PAK2: variants seen among roughly 807,000 people sequenced by gnomAD.
PAK2 encodes the protein serine/threonine-protein kinase PAK 2.
In PAK2, 21 loss-of-function variants were observed where a neutral mutation model predicts 65.9. The observed-to-expected ratio is 0.32, with a 90% CI of 0.23 to 0.46. The LOEUF is 0.46. PAK2 is among the 20% of genes least tolerant of loss of function. PAK2 has a pLI of 1.00. For synonymous variants in PAK2, 204 were observed against 219.7 expected, an observed-to-expected ratio of 0.93 and a Z score of 0.63; for missense variants, 324 against 642.6, an observed-to-expected ratio of 0.50 and a Z score of 5.36.
chr3:196,811,846 A>C (rs72611192), intron 8 of PAK2, among the ~76,000 whole-genome samples: 24,720 of 152,064 alleles, frequency 0.16, 2,854 homozygotes, highest in East Asian at 0.56. Context: ...ATAAACACCA[A>C]ATACAGATCA....
intron 4 of PAK2, among the ~76,000 whole-genome samples, chr3:196,804,517 G>C (rs1194242913): frequency 6.6e-6 from 1 of 152,096 alleles, no homozygotes; most frequent in East Asian, 1.9e-4. Flanking sequence ...GCCCAGGCTG[G>C]AGTGCAGTGG....
chr3:196,768,496 G>GTATT (rs1176348306), intron 1 of PAK2, among the ~76,000 whole-genome samples: 1 of 150,732 alleles, frequency 6.6e-6, no homozygotes. Flanking sequence ...ATTTATATAT[G>GTATT]TATGTATGTA....
intron 1 of PAK2, among the ~76,000 whole-genome samples, chr3:196,781,579 C>T (rs952503785): frequency 2.0e-5 from 3 of 152,204 alleles, no homozygotes; most frequent in African/African-American, 7.2e-5. Context: ...TCGTCAAGCT[C>T]CTTTGTGATT....
intron 1 of PAK2, among the ~76,000 whole-genome samples, chr3:196,742,877 G>A (rs1374814508): frequency 2.0e-5 from 3 of 152,150 alleles, no homozygotes; most frequent in Non-Finnish European, 1.5e-5. Context: ...TCGAGATCGC[G>A]CCACTGCACT....
At chr3:196,766,660 T>C (rs1175264237) in intron 1 of PAK2, among the ~76,000 whole-genome samples, 1 of 152,138 alleles carries the variant, frequency 6.6e-6, no homozygotes, top group Non-Finnish European at 1.5e-5. Flanking sequence ...AAAATATATA[T>C]TCAGAGAAAT....
At chr3:196,818,670 T>C (rs575298169) in intron 12 of PAK2, among the ~76,000 whole-genome samples, 421 of 152,308 alleles carry the variant, frequency 2.8e-3, no homozygotes, top group African/African-American at 9.8e-3. Context: ...CTGGCCATGA[T>C]TGCTTATTTT....
In PAK2 at chr3:196,748,102, A is replaced by C. The variant is rs1295796063; in HGVS notation, c.-22+7945A>C. On this transcript the variant is annotated intron_variant, in intron 1 of 14. Transcript: ENST00000327134. Reference sequence around the variant, plus strand: ...GCTTTGAACAAATAGGTATGAAATAAGTATGTGTTGGTTGAGTGTCACTCT... The same window carrying C: ...GCTTTGAACAAATAGGTATGAAATACGTATGTGTTGGTTGAGTGTCACTCT... Among the ~76,000 whole-genome samples, 5 of 151,790 alleles carry C rather than the reference A, an allele frequency of 3.3e-5. No individual in the cohort carries two copies. In the South Asian group the frequency reaches 8.3e-4, roughly 25 times the overall value.
At chr3:196,810,507 A>C in intron 7 of PAK2, 83 bp from the exon 8 acceptor site, 1 of 768,142 alleles carries the variant, frequency 1.3e-6, no homozygotes, top group South Asian at 1.5e-5. Context: ...AAAACAGTGG[A>C]GTTCATTAAA....
intron 14 of PAK2, among the ~76,000 whole-genome samples, 193 bp from the exon 15 acceptor site, chr3:196,828,124 CTA>C (rs1711946806): frequency 6.6e-6 from 1 of 152,198 alleles, no homozygotes; most frequent in Non-Finnish European, 1.5e-5. Context: ...ATTTGTCAAA[CTA>C]AAATGATTCT....
intron 1 of PAK2, among the ~76,000 whole-genome samples, chr3:196,774,185 T>G (rs1714464556): frequency 6.6e-6 from 1 of 152,228 alleles, no homozygotes; most frequent in Non-Finnish European, 1.5e-5. Flanking sequence ...TAGTTGTAAT[T>G]CATTGCCGAA....
At chr3:196,810,305 G>A (rs1470489107) in intron 7 of PAK2, among the ~76,000 whole-genome samples, 2 of 151,898 alleles carry the variant, frequency 1.3e-5, no homozygotes, top group Non-Finnish European at 2.9e-5. Flanking sequence ...GACCATTATT[G>A]AGCAAATGAT....
Position 196,814,709 on chromosome 3 carries a change from G to C in PAK2, c.1053+141G>C, listed in dbSNP as rs11185455. The stretch of plus-strand genomic sequence containing the variant: ...ATTCTCTGCAAATTACTCCATCTCC[G>C]TGCCATTTCATCCTACACAGGAGTT... On this transcript the variant is annotated intron_variant, in intron 11 of 14. Coordinates refer to ENST00000327134, the MANE Select transcript of PAK2 (RefSeq NM_002577.4). 5.0e-5 allele frequency: 30 copies of C among 597,656 alleles called. No individual in the cohort carries two copies. The African/African-American group carries it at 5.6e-4, about 11-fold the overall frequency. The allele number at this position is 597,656 out of a possible 1,614,324, so 37.0% of individuals were successfully genotyped here.
In PAK2 at chr3:196,829,790, G is replaced by A. The variant is rs1046779; in HGVS notation, c.*1385G>A. On this transcript the variant is annotated 3_prime_UTR_variant, in exon 15 of 15. Coordinates refer to ENST00000327134, the MANE Select transcript of PAK2 (RefSeq NM_002577.4). ...ATAAGTAGAGACTATTGTAAAAAAC[G>A]AGAAAGGAAAATGAAATGTGCGTGT... 5.9e-5 allele frequency: 9 copies of A among 152,238 alleles called. No individual in the cohort carries two copies. Among genetic ancestry groups the A allele is most frequent in the African/African-American group, 1.9e-4 (8 of 41,560 alleles). The allele number at this position is 152,238 out of a possible 1,614,324, so 9.4% of individuals were successfully genotyped here.
At chr3:196,812,712 T>C in intron 9 of PAK2, 27 bp from the exon 10 acceptor site, 1 of 1,039,138 alleles carries the variant, frequency 9.6e-7, no homozygotes, top group South Asian at 1.3e-5. Context: ...CTAAACCTGG[T>C]TTTTTTCAAT....
intron 1 of PAK2, among the ~76,000 whole-genome samples, chr3:196,751,674 C>CATATATAT (rs149522539): frequency 0.064 from 4,604 of 71,666 alleles, 447 homozygotes; most frequent in Admixed American, 0.087. Context: ...TATTTATATA[C>CATATATAT]ATATATATAT....
intron 1 of PAK2, among the ~76,000 whole-genome samples, chr3:196,761,773 G>T (rs1313140824): frequency 6.8e-6 from 1 of 146,622 alleles, no homozygotes; most frequent in Non-Finnish European, 1.5e-5. Context: ...GGGGCGGCTG[G>T]CCGGGCGGGG....
At chr3:196,766,516 G>T (rs764235523) in intron 1 of PAK2, among the ~76,000 whole-genome samples, 2 of 152,088 alleles carry the variant, frequency 1.3e-5, no homozygotes, top group African/African-American at 4.8e-5. Flanking sequence ...TGCATATGTC[G>T]TCTACAAAGC....
rs1273353040 is a variant in PAK2 at position 196,791,650 on chromosome 3, C to T, written c.187+8817C>T. ...TAAGAAATATAATTCCTGGGCCGGG[C>T]GTGGTGGCTCACGCCTGTAATCCCA... On this transcript the variant is annotated intron_variant, in intron 2 of 14. Transcript: ENST00000327134. The surrounding 1 kb of genome is among the most constrained non-coding windows in gnomAD (Gnocchi z 4.0). 1.3e-5 allele frequency among the ~76,000 whole-genome samples: 2 copies of T among 151,968 alleles called. No homozygotes were observed. Among genetic ancestry groups the T allele is most frequent in the South Asian group, 2.1e-4 (1 of 4,818 alleles).
chr3:196,806,549 T>C, intron 5 of PAK2, 30 bp from the exon 6 acceptor site: 1 of 1,380,026 alleles, frequency 7.2e-7, no homozygotes, highest in Non-Finnish European at 1.0e-6. Flanking sequence ...ATTGGACTTG[T>C]TTTCCTTACT....
Sources: allele counts gnomAD v4.1 joint callset (sites outside exome capture counted in the v4.1 genomes callset), GRCh38; gene constraint gnomAD v4.1.1; non-coding constraint Gnocchi (gnomAD v3.1); transcripts MANE v1.5; gene names NCBI Gene and HGNC (gene_info 2026-07-23, HGNC 2026-07-21).